The following GLIS3 variants were observed in gnomAD, a reference collection of about 807,000 sequenced individuals.
GLIS3 encodes GLIS family zinc finger 3.
GLIS3 carries 53 observed loss-of-function variants against 78.6 expected under a neutral mutation model. The ratio of observed to expected loss-of-function variants is 0.67; its 90% CI spans 0.54 to 0.85. The LOEUF (loss-of-function observed/expected upper bound fraction) is 0.85. Ranked by LOEUF, GLIS3 falls within the 40% of genes least tolerant of loss-of-function variation. GLIS3 has a pLI of 0.00. For synonymous variants in GLIS3, 684 were observed against 509.9 expected (o/e 1.34, Z -4.60); for missense variants, 1,703 against 1,231.1 (o/e 1.38, Z -5.74).
the GLIS3 span, among the ~76,000 whole-genome samples, chr9:4,415,730 T>C: frequency 1.3e-5 from 2 of 152,186 alleles, no homozygotes; most frequent in Admixed American, 6.5e-5. Flanking sequence ...TCAGATTATG[T>C]CCCCAGAAAA....
chr9:4,107,570 G>C (rs1830858253), intron 4 of GLIS3, among the ~76,000 whole-genome samples: 1 of 152,164 alleles, frequency 6.6e-6, no homozygotes, highest in African/African-American at 2.4e-5. Context: ...AAGCCGCTGA[G>C]ATTTGGGTTA....
chr9:3,943,973 T>C (rs1348556978), intron 4 of GLIS3, among the ~76,000 whole-genome samples: 3 of 152,218 alleles, frequency 2.0e-5, no homozygotes, highest in Non-Finnish European at 4.4e-5. Context: ...AACTAGCTCA[T>C]AAATACAACT....
chr9:4,324,083 C>A (rs1817571244), intron 2 of GLIS3, among the ~76,000 whole-genome samples: 1 of 152,164 alleles, frequency 6.6e-6, no homozygotes, highest in Non-Finnish European at 1.5e-5. Context: ...GTGCTTGTCT[C>A]AATATGCCAT....
chr9:3,905,866 C>T (rs1281351820), intron 6 of GLIS3, among the ~76,000 whole-genome samples: 2 of 152,182 alleles, frequency 1.3e-5, no homozygotes, highest in Non-Finnish European at 2.9e-5. Flanking sequence ...CTCACTCCTT[C>T]CAGAGAGCTC....
chr9:4,449,635 G>A, the GLIS3 span, among the ~76,000 whole-genome samples: 2 of 152,194 alleles, frequency 1.3e-5, no homozygotes, highest in East Asian at 1.9e-4. Flanking sequence ...GAAGGATCAG[G>A]CAGTATTATT....
At chr9:3,883,158 C>A (rs1432056083) in intron 7 of GLIS3, among the ~76,000 whole-genome samples, 1 of 152,202 alleles carries the variant, frequency 6.6e-6, no homozygotes, top group Admixed American at 6.5e-5. Context: ...TGGTCTCTGC[C>A]AATGATCCAC....
intron 2 of GLIS3, among the ~76,000 whole-genome samples, chr9:4,147,066 T>C (rs1340149209): frequency 1.3e-5 from 2 of 152,188 alleles, no homozygotes; most frequent in Admixed American, 6.5e-5. Flanking sequence ...ATTTAGAAAT[T>C]TAAGCCCACT....
intron 2 of GLIS3, among the ~76,000 whole-genome samples, chr9:4,321,493 T>A (rs947651357): frequency 7.5e-6 from 1 of 133,038 alleles, no homozygotes. Context: ...TTAATCATAA[T>A]CCTTGGTATA....
At chr9:3,931,680 T>A (rs755651394) in intron 6 of GLIS3, among the ~76,000 whole-genome samples, 1 of 152,216 alleles carries the variant, frequency 6.6e-6, no homozygotes, top group Non-Finnish European at 1.5e-5. Flanking sequence ...TTGCTAGACA[T>A]CTTATGGAGT....
At position 4,338,023 on chromosome 9, in the gene GLIS3, GCTGTGT is replaced by G. The variant is rs1166720755; in HGVS notation, n.264+9052_264+9057del. On this transcript the variant is annotated intron_variant and non_coding_transcript_variant, in intron 2 of 4. Coordinates refer to the GLIS3 transcript ENST00000471664. ...ATGTCTAACTGGTAAGATTGGCAAG[GCTGTGT>G]GTGTGTGTGTGTGTGTGTGTGTGTG... Among the ~76,000 whole-genome samples the G allele has an allele frequency of 3.5e-3, 409 of 115,802 alleles. 3 individuals carry two copies. Among genetic ancestry groups the G allele is most frequent in the African/African-American group, 0.014 (394 of 28,906 alleles). The allele number at this position is 115,802 out of a possible 152,430, so 76.0% of individuals were successfully genotyped here.
chr9:4,255,676 G>C (rs1348948523), intron 2 of GLIS3, among the ~76,000 whole-genome samples: 2 of 152,122 alleles, frequency 1.3e-5, no homozygotes, highest in East Asian at 3.8e-4. Flanking sequence ...ACTATAGAGA[G>C]TAAAAAGATC....
chr9:4,059,336 T>G (rs1263025257), intron 4 of GLIS3, among the ~76,000 whole-genome samples: 1 of 152,198 alleles, frequency 6.6e-6, no homozygotes. Flanking sequence ...TCCACTACAC[T>G]CCTGGTTTTT....
the GLIS3 span, among the ~76,000 whole-genome samples, chr9:4,398,780 C>T: frequency 2.0e-5 from 3 of 152,174 alleles, no homozygotes; most frequent in Non-Finnish European, 1.5e-5. Context: ...CTCTGCCTCC[C>T]CATTCAAGCA....
At chr9:3,962,983 A>C (rs789263) in intron 4 of GLIS3, among the ~76,000 whole-genome samples, 55,875 of 149,418 alleles carry the variant, frequency 0.37, 11,089 homozygotes, top group Middle Eastern at 0.44. Context: ...GAGGTATAAA[A>C]AGCCACATTT....
At chr9:4,332,685 G>A (rs1817703199) in intron 2 of GLIS3, among the ~76,000 whole-genome samples, 1 of 152,176 alleles carries the variant, frequency 6.6e-6, no homozygotes, top group African/African-American at 2.4e-5. Context: ...GACATAGAAA[G>A]TTCTCTAATC....
At chr9:4,050,924 T>C (rs977372717) in intron 4 of GLIS3, among the ~76,000 whole-genome samples, 2 of 152,084 alleles carry the variant, frequency 1.3e-5, no homozygotes, top group African/African-American at 4.8e-5. Flanking sequence ...GTCCTCACAG[T>C]TGGGGGAAGC....
chr9:4,454,849 C>G, the GLIS3 span, among the ~76,000 whole-genome samples: 1 of 152,140 alleles, frequency 6.6e-6, no homozygotes, highest in African/African-American at 2.4e-5. Flanking sequence ...AGTAGGGGAT[C>G]TCACAAATTT....
chr9:4,285,735 C>T, intron 2 of GLIS3: 2 of 400,180 alleles, frequency 5.0e-6, no homozygotes, highest in Non-Finnish European at 9.3e-6. Context: ...ATCTTGCTAA[C>T]CTAGCTCTTA....
At chr9:4,313,030 C>T (rs993342358) in intron 2 of GLIS3, among the ~76,000 whole-genome samples, 1 of 152,204 alleles carries the variant, frequency 6.6e-6, no homozygotes, top group African/African-American at 2.4e-5. Flanking sequence ...CTTGTGGCTT[C>T]AGAGTCTGTC....
Sources: allele counts gnomAD v4.1 joint callset (sites outside exome capture counted in the v4.1 genomes callset), GRCh38; gene constraint gnomAD v4.1.1; transcripts MANE v1.5; gene names NCBI Gene and HGNC (gene_info 2026-07-23, HGNC 2026-07-21).